The following DMD variants were observed in gnomAD, a reference collection of about 807,000 sequenced individuals.
DMD encodes mutant dystrophin.
In DMD, 63 loss-of-function variants were observed where a neutral mutation model predicts 330.1. That is an observed-to-expected ratio of 0.19 (90% CI 0.16 to 0.24). The LOEUF is 0.24. Among genes scored for constraint, DMD ranks in the 10% least tolerant of loss-of-function variants. DMD has a pLI of 1.00. For missense variants in DMD, 3,344 were observed against 2,684.1 expected (o/e 1.25, Z -5.43); for synonymous variants, 1,223 against 959.8 (o/e 1.27, Z -5.07).
At position 32,744,235 on chromosome X, in the gene DMD, A is replaced by G. The variant is rs1010775542; in HGVS notation, c.650-44942T>C. On this transcript the variant is annotated intron_variant, in intron 7 of 78. Transcript: ENST00000357033. ...CATTCCTCCAAAGTTGCTCTTTTGA[A>G]TATTATCAAAACTTCCAATTTGCCA... Among the ~76,000 whole-genome samples the G allele has an allele frequency of 8.2e-5, 9 of 109,935 alleles. No individual in the cohort carries two copies. The South Asian group carries it at 2.3e-3, about 29-fold the overall frequency.
intron 47 of DMD, among the ~76,000 whole-genome samples, chrX:31,907,375 A>G (rs1022727792): frequency 4.5e-5 from 5 of 111,755 alleles, no homozygotes; most frequent in Non-Finnish European, 9.4e-5. Context: ...ATATAGACCA[A>G]TGGAACAGAA....
chrX:32,091,614 A>T (rs2096475355), intron 44 of DMD, among the ~76,000 whole-genome samples: 1 of 111,357 alleles, frequency 9.0e-6, no homozygotes, highest in Non-Finnish European at 1.9e-5. Context: ...AAATGGTCCC[A>T]TCTAATCCAC....
At chrX:32,620,593 T>A (rs1446755240) in intron 11 of DMD, among the ~76,000 whole-genome samples, 1 of 112,038 alleles carries the variant, frequency 8.9e-6, no homozygotes, top group Non-Finnish European at 1.9e-5. Context: ...GAGATATCCA[T>A]TTAAGTGGAA....
At chrX:32,474,019 A>G (rs1178764989) in intron 21 of DMD, among the ~76,000 whole-genome samples, 1 of 110,049 alleles carries the variant, frequency 9.1e-6, no homozygotes, top group Admixed American at 9.8e-5. Context: ...CCATTATATC[A>G]TTCTAATGCC....
intron 64 of DMD, among the ~76,000 whole-genome samples, chrX:31,222,703 C>T (rs2046226770): frequency 9.0e-6 from 1 of 111,074 alleles, no homozygotes; most frequent in South Asian, 3.8e-4. Context: ...ATACTAAGTA[C>T]ATTTTGTAAA....
At chrX:32,840,702 GATTT>G (rs976746198) in intron 4 of DMD, among the ~76,000 whole-genome samples, 1 of 111,848 alleles carries the variant, frequency 8.9e-6, no homozygotes, top group Non-Finnish European at 1.9e-5. Context: ...TAATTTGTCT[GATTT>G]ATTTCACTCA....
chrX:32,355,575 A>G (rs2097796206), intron 37 of DMD, among the ~76,000 whole-genome samples: 1 of 111,868 alleles, frequency 8.9e-6, no homozygotes, highest in South Asian at 3.7e-4. Flanking sequence ...CTTTAAAAAT[A>G]TTTTACATGG....
chrX:32,436,423 TA>T (rs1422341351), intron 29 of DMD, among the ~76,000 whole-genome samples: 2 of 111,804 alleles, frequency 1.8e-5, no homozygotes, highest in Non-Finnish European at 3.8e-5. Context: ...GTTTATGCTT[TA>T]AAAACTCAGT....
chrX:31,590,669 C>T (rs1400282189), intron 55 of DMD, among the ~76,000 whole-genome samples: 1 of 111,431 alleles, frequency 9.0e-6, no homozygotes, highest in Non-Finnish European at 1.9e-5. Context: ...ACAACATTCT[C>T]AGGGGTGATA....
intron 62 of DMD, among the ~76,000 whole-genome samples, chrX:31,296,011 G>A (rs940277075): frequency 6.6e-5 from 7 of 105,353 alleles, no homozygotes; most frequent in South Asian, 4.2e-4. Context: ...TTTACAATGG[G>A]AGACATTAAG....
chrX:32,273,708 T>A (rs947637537), intron 43 of DMD, among the ~76,000 whole-genome samples: 1 of 111,538 alleles, frequency 9.0e-6, no homozygotes, highest in African/African-American at 3.3e-5. Context: ...CCTTCTTACA[T>A]CCTTCTTGGA....
chrX:32,429,059 C>T (rs781033520), intron 29 of DMD, among the ~76,000 whole-genome samples: 7 of 110,695 alleles, frequency 6.3e-5, no homozygotes, highest in East Asian at 5.6e-4. Flanking sequence ...TTTCCATTTT[C>T]GATATATGTG....
At chrX:32,375,217 A>G (rs187362690) in intron 34 of DMD, among the ~76,000 whole-genome samples, 2 of 111,252 alleles carry the variant, frequency 1.8e-5, no homozygotes, top group African/African-American at 6.5e-5. Context: ...TCATGCTTCA[A>G]TGTAGATAAT....
At chrX:32,838,073 AACT>A (rs2148940806) in intron 4 of DMD, among the ~76,000 whole-genome samples, 1 of 111,854 alleles carries the variant, frequency 8.9e-6, no homozygotes, top group South Asian at 3.8e-4. Context: ...ATATGTCATA[AACT>A]TGACAGTGGT....
rs751775154 is a variant in DMD at position 32,321,887 on chromosome X, T to C, written c.5923-11611A>G. On this transcript the variant is annotated intron_variant, in intron 41 of 78. Transcript: ENST00000357033. ...GTAGTATACTAGAAGATACGGAAGG[T>C]ACATTTAATAAAAATAAAATTAGAA... Among the ~76,000 whole-genome samples the C allele has an allele frequency of 2.7e-5, 3 of 111,532 alleles. No homozygotes were observed. The East Asian group carries it at 8.5e-4, about 32-fold the overall frequency.
intron 77 of DMD, among the ~76,000 whole-genome samples, chrX:31,132,013 G>T (rs1375281587): frequency 8.9e-6 from 1 of 111,810 alleles, no homozygotes; most frequent in Non-Finnish European, 1.9e-5. Context: ...TGTTTTTTAA[G>T]AATGTGAATT....
At chrX:31,567,734 AT>A (rs76078370) in intron 55 of DMD, among the ~76,000 whole-genome samples, 5 of 107,956 alleles carry the variant, frequency 4.6e-5, no homozygotes, top group Non-Finnish European at 5.8e-5. Context: ...ATCTCACTTT[AT>A]TTTTTTTTGC....
chrX:31,334,955 A>C (rs781741339), intron 61 of DMD, among the ~76,000 whole-genome samples: 3 of 111,418 alleles, frequency 2.7e-5, no homozygotes, highest in African/African-American at 9.8e-5. Flanking sequence ...TTGTCCCCCA[A>C]TATCTGACTG....
chrX:33,189,753 G>A (rs1300754135), intron 1 of DMD, among the ~76,000 whole-genome samples: 1 of 111,339 alleles, frequency 9.0e-6, no homozygotes, highest in East Asian at 2.8e-4. Context: ...ATACATCACG[G>A]AGTTGGCATT....
Sources: gnomAD v4.1 joint callset for allele counts (sites outside exome capture counted in the v4.1 genomes callset) on GRCh38, gnomAD v4.1.1 for gene constraint, MANE v1.5 for transcripts, NCBI Gene and HGNC (gene_info 2026-07-23, HGNC 2026-07-21) for gene names.